NUFIP1: variants seen among roughly 807,000 people sequenced by gnomAD.
NUFIP1 encodes the protein FMR1-interacting protein NUFIP1.
A neutral mutation model predicts 56.2 loss-of-function variants in NUFIP1; 38 were observed. That is an observed-to-expected ratio of 0.68 (90% CI 0.52 to 0.89). NUFIP1 has a LOEUF of 0.89. Among genes scored for constraint, NUFIP1 ranks in the 40% least tolerant of loss-of-function variants. The pLI, the probability that NUFIP1 is intolerant of heterozygous loss-of-function variation, is 0.00. For synonymous variants in NUFIP1, 215 were observed against 212.4 expected (o/e 1.01, Z -0.10); for missense variants, 567 against 605.8 (o/e 0.94, Z 0.67).
chr13:44,988,926 C>G lies in NUFIP1; in HGVS notation c.412+99G>C, dbSNP rs535923131. On this transcript the variant is annotated intron_variant, in intron 1 of 9. Coordinates refer to ENST00000379161, the MANE Select transcript of NUFIP1 (RefSeq NM_012345.3). Reference sequence around the variant, plus strand: ...TGCTAATGACCAGACTCCAAGAGTGCAGAGGCAAGGCAGAGTAGAGAGAGG... The same window carrying G: ...TGCTAATGACCAGACTCCAAGAGTGGAGAGGCAAGGCAGAGTAGAGAGAGG... The G allele has an allele frequency of 1.7e-5, 21 of 1,234,234 alleles. 1 individual carries two copies. The South Asian group carries it at 2.6e-4, about 15-fold the overall frequency. The allele number at this position is 1,234,234 out of a possible 1,614,324, so 76.5% of individuals were successfully genotyped here.
intron 7 of NUFIP1, 68 bp downstream of exon 7, chr13:44,959,313 T>C: frequency 7.1e-7 from 1 of 1,405,876 alleles, no homozygotes. Context: ...CAAGCAAGGC[T>C]GTGAATAATC....
intron 1 of NUFIP1, among the ~76,000 whole-genome samples, chr13:44,982,732 C>CGTG (rs1872237967): frequency 1.3e-5 from 2 of 151,982 alleles, no homozygotes; most frequent in Non-Finnish European, 2.9e-5. Context: ...ATGGACCAGG[C>CGTG]GTGGTGGCTC....
chr13:44,952,496 T>C lies in NUFIP1; in HGVS notation c.1022-2658A>G, dbSNP rs1871115373. ...AATAAAAACAAAGGGAAATTGACTCTGGAAAACTGTATTCTTCACAATCCA... is the reference window on the plus strand; with the variant it reads ...AATAAAAACAAAGGGAAATTGACTCCGGAAAACTGTATTCTTCACAATCCA... On this transcript the variant is annotated intron_variant, in intron 7 of 9. Coordinates refer to ENST00000379161, the MANE Select transcript of NUFIP1 (RefSeq NM_012345.3). Among the ~76,000 whole-genome samples, 8 of 152,238 alleles carry C rather than the reference T, an allele frequency of 5.3e-5. No individual in the cohort carries two copies. In the South Asian group the frequency reaches 1.7e-3, roughly 31 times the overall value.
intron 1 of NUFIP1, among the ~76,000 whole-genome samples, chr13:44,985,202 T>C (rs778481315): frequency 6.6e-6 from 1 of 152,260 alleles, no homozygotes; most frequent in Admixed American, 6.5e-5. Context: ...GCTAAAAGCC[T>C]ATTCAATATC....
chr13:44,966,954 C>T (rs1871625076), intron 5 of NUFIP1, among the ~76,000 whole-genome samples: 1 of 151,004 alleles, frequency 6.6e-6, no homozygotes, highest in African/African-American at 2.4e-5. Context: ...GCCTAGGTGA[C>T]AGAGCAAGAC....
At chr13:44,966,103 A>T (rs1240254200) in intron 5 of NUFIP1, among the ~76,000 whole-genome samples, 167 bp from the exon 6 acceptor site, 1 of 152,206 alleles carries the variant, frequency 6.6e-6, no homozygotes, top group Non-Finnish European at 1.5e-5. Flanking sequence ...TACTTATAAC[A>T]ATGTTACTCA....
chr13:44,959,328 T>G, intron 7 of NUFIP1, 53 bp downstream of exon 7: 12 of 1,495,216 alleles, frequency 8.0e-6, no homozygotes, highest in Non-Finnish European at 9.2e-6. Flanking sequence ...ATAATCAACT[T>G]CAGCATCATT....
chr13:44,982,455 A>G (rs1005631485), intron 1 of NUFIP1, among the ~76,000 whole-genome samples: 1 of 152,216 alleles, frequency 6.6e-6, no homozygotes, highest in Admixed American at 6.5e-5. Flanking sequence ...TTAGAAATGT[A>G]ACCAGTAAAA....
intron 5 of NUFIP1, among the ~76,000 whole-genome samples, chr13:44,971,771 T>C (rs917795587): frequency 2.0e-5 from 3 of 152,252 alleles, no homozygotes; most frequent in Admixed American, 6.5e-5. Flanking sequence ...TTTTCTCTTC[T>C]TTCTGCCTAT....
At chr13:44,985,842 G>C (rs1351036741) in intron 1 of NUFIP1, among the ~76,000 whole-genome samples, 3 of 152,202 alleles carry the variant, frequency 2.0e-5, no homozygotes, top group Admixed American at 2.0e-4. Flanking sequence ...AAAAGGAAGA[G>C]TCACATGTCT....
chr13:44,985,348 T>A (rs1212641444), intron 1 of NUFIP1, among the ~76,000 whole-genome samples: 2 of 152,194 alleles, frequency 1.3e-5, no homozygotes. Context: ...TAAATTATCC[T>A]TCTCTCCTCT....
chr13:44,947,113 ACAGTAAATGC>A (rs1870923725), intron 8 of NUFIP1, among the ~76,000 whole-genome samples: 1 of 152,180 alleles, frequency 6.6e-6, no homozygotes, highest in Non-Finnish European at 1.5e-5. Context: ...GTGCAGGATG[ACAGTAAATGC>A]CAAAGAGAGA....
At chr13:44,961,349 T>C (rs1871417513) in intron 6 of NUFIP1, among the ~76,000 whole-genome samples, 2 of 152,322 alleles carry the variant, frequency 1.3e-5, no homozygotes, top group East Asian at 3.9e-4. Flanking sequence ...TACAAATATT[T>C]GTAAGCCTAA....
rs530204745 is a variant in NUFIP1 at position 44,947,383 on chromosome 13, C to T, written c.1138+2339G>A. Among the ~76,000 whole-genome samples, 25 of 151,884 alleles carry T rather than the reference C, an allele frequency of 1.6e-4. No individual in the cohort carries two copies. In the East Asian group the frequency reaches 3.7e-3, roughly 22 times the overall value. Reference sequence around the variant, plus strand: ...CCTCCTGTGTAGCTGGGATTACAGGCGCACACCACCACACCAGGCTAATTT... The same window carrying T: ...CCTCCTGTGTAGCTGGGATTACAGGTGCACACCACCACACCAGGCTAATTT... On this transcript the variant is annotated intron_variant, in intron 8 of 9. Transcript: ENST00000379161.
chr13:44,949,583 C>T (rs1871017117), intron 8 of NUFIP1, 139 bp downstream of exon 8: 3 of 599,650 alleles, frequency 5.0e-6, no homozygotes, highest in South Asian at 4.5e-5. Flanking sequence ...CCCATGTTAA[C>T]TTTACTTCTG....
rs1228047076 is a variant in NUFIP1 at position 44,980,823 on chromosome 13, G to C, written c.496-3C>G. 6.3e-7 allele frequency: 1 copy of C among 1,581,316 alleles called. No homozygotes were observed. The highest frequency in any genetic ancestry group is 8.6e-7 in the Non-Finnish European group (1 of 1,167,214). On this transcript the variant is annotated splice_region_variant and splice_polypyrimidine_tract_variant and intron_variant, in intron 2 of 9. Coordinates refer to ENST00000379161, the MANE Select transcript of NUFIP1 (RefSeq NM_012345.3). ...TGAAAAACTGGTTCCTTTCTTTTCT[G>C]CAAACAAAAACAGAGAGGAATTAGG...
intron 8 of NUFIP1, among the ~76,000 whole-genome samples, chr13:44,948,081 T>C (rs1274055587): frequency 6.6e-6 from 1 of 152,040 alleles, no homozygotes; most frequent in Non-Finnish European, 1.5e-5. Context: ...TACATAAACA[T>C]TGATTATCTC....
At chr13:44,957,663 G>A (rs1871288838) in intron 7 of NUFIP1, among the ~76,000 whole-genome samples, 1 of 151,750 alleles carries the variant, frequency 6.6e-6, no homozygotes, top group Non-Finnish European at 1.5e-5. Flanking sequence ...TCTTTTAGTT[G>A]GTGTTTTACC....
At chr13:44,955,591 G>C (rs1871201252) in intron 7 of NUFIP1, among the ~76,000 whole-genome samples, 1 of 152,222 alleles carries the variant, frequency 6.6e-6, no homozygotes, top group African/African-American at 2.4e-5. Context: ...AGTGGGTCTT[G>C]TTATCACAGT....
Sources: gnomAD v4.1 joint callset for allele counts (sites outside exome capture counted in the v4.1 genomes callset) on GRCh38, gnomAD v4.1.1 for gene constraint, MANE v1.5 for transcripts, NCBI Gene and HGNC (gene_info 2026-07-23, HGNC 2026-07-21) for gene names.